The following CORIN variants were observed in gnomAD, a reference collection of about 807,000 sequenced individuals.
CORIN encodes atrial natriuretic peptide-converting enzyme.
CORIN carries 117 observed loss-of-function variants against 125.3 expected under a neutral mutation model. The observed-to-expected ratio is 0.93, with a 90% confidence interval of 0.80 to 1.09. CORIN has a LOEUF of 1.09. Among genes scored for constraint, CORIN ranks in the 50% least tolerant of loss-of-function variants. The pLI, the probability that CORIN is intolerant of heterozygous loss-of-function variation, is 0.00. For missense variants in CORIN, 1,253 were observed against 1,306.7 expected, an observed-to-expected ratio of 0.96 and a Z score of 0.63; for synonymous variants, 450 against 466.4, an observed-to-expected ratio of 0.96 and a Z score of 0.45.
chr4:47,802,669 C>T (rs911897226), intron 2 of CORIN, among the ~76,000 whole-genome samples: 1 of 152,204 alleles, frequency 6.6e-6, no homozygotes, highest in East Asian at 1.9e-4. Context: ...TCTGGACCCA[C>T]CTGAGGCCTG....
intron 3 of CORIN, among the ~76,000 whole-genome samples, chr4:47,770,412 C>A (rs968260433): frequency 6.6e-6 from 1 of 152,002 alleles, no homozygotes. Flanking sequence ...GGAGCATTTG[C>A]ACACTGTTGA....
At chr4:47,604,129 T>A (rs1721555411) in intron 19 of CORIN, among the ~76,000 whole-genome samples, 2 of 152,228 alleles carry the variant, frequency 1.3e-5, no homozygotes, top group African/African-American at 4.8e-5. Context: ...CGACCTCCAA[T>A]GGTCATTCCC....
At chr4:47,725,986 G>A (rs1180817093) in intron 5 of CORIN, among the ~76,000 whole-genome samples, 3 of 152,030 alleles carry the variant, frequency 2.0e-5, no homozygotes, top group African/African-American at 7.2e-5. Context: ...GTGATATTCC[G>A]ATGGCAAGTA....
At chr4:47,801,579 C>T (rs1260740829) in intron 2 of CORIN, among the ~76,000 whole-genome samples, 1 of 152,218 alleles carries the variant, frequency 6.6e-6, no homozygotes, top group African/African-American at 2.4e-5. Context: ...CCTCTCCCAT[C>T]CCCCAGCAGT....
At chr4:47,683,649 T>C in intron 7 of CORIN, 82 bp downstream of exon 7, 2 of 963,780 alleles carry the variant, frequency 2.1e-6, no homozygotes, top group Non-Finnish European at 3.2e-6. Context: ...CTAATCATAT[T>C]AACACATAAT....
In CORIN at chr4:47,812,841, T is replaced by G. The variant is rs189401788; in HGVS notation, c.64-5794A>C. ...ACTGAATAAATGAATTAATTAAATT[T>G]CCTAAATAAAAATTACTTTGTACAT... is the stretch of plus-strand genomic sequence containing the variant. On this transcript the variant is annotated intron_variant, in intron 1 of 21. Coordinates refer to ENST00000273857, the MANE Select transcript of CORIN (RefSeq NM_006587.4). Among the ~76,000 whole-genome samples the G allele has an allele frequency of 3.2e-3, 486 of 152,334 alleles. 1 individual carries two copies. The highest frequency in any genetic ancestry group is 5.2e-3 in the Non-Finnish European group (355 of 68,036).
chr4:47,750,081 G>A (rs895104655), intron 4 of CORIN, among the ~76,000 whole-genome samples: 8 of 152,156 alleles, frequency 5.3e-5, no homozygotes, highest in Non-Finnish European at 4.4e-5. Flanking sequence ...TAAATCAACA[G>A]ATGACAACAC....
At chr4:47,624,392 G>GGT (rs1722469329) in intron 17 of CORIN, among the ~76,000 whole-genome samples, 1 of 151,934 alleles carries the variant, frequency 6.6e-6, no homozygotes, top group South Asian at 2.1e-4. Context: ...TATACAAAGT[G>GGT]GTGTGTGCTC....
intron 16 of CORIN, among the ~76,000 whole-genome samples, chr4:47,630,294 C>T (rs569990673): frequency 1.3e-5 from 2 of 152,206 alleles, no homozygotes; most frequent in East Asian, 3.9e-4. Context: ...ATATGTGTGC[C>T]TGTACTTCTC....
chr4:47,792,863 G>A (rs968104620), intron 2 of CORIN, among the ~76,000 whole-genome samples: 1 of 152,188 alleles, frequency 6.6e-6, no homozygotes, highest in South Asian at 2.1e-4. Context: ...GATGAGCACA[G>A]GCCCCCTGCC....
At chr4:47,831,310 A>G (rs755787698) in intron 1 of CORIN, 1 of 152,358 alleles carries the variant, frequency 6.6e-6, no homozygotes, top group Non-Finnish European at 1.5e-5. Context: ...AAGGGAAGGC[A>G]TAATTAATGG....
In CORIN at chr4:47,594,467, T is replaced by C. The variant is rs942926719; in HGVS notation, c.*1254A>G. ...AAAGTTTTTTAGTGGGGAAAAATAC[T>C]TTTTACCACTAATTGCTTCAGAAAT... On this transcript the variant is annotated 3_prime_UTR_variant, in exon 22 of 22. Coordinates refer to ENST00000273857, the MANE Select transcript of CORIN (RefSeq NM_006587.4). 3 of 152,602 alleles carry C rather than the reference T, an allele frequency of 2.0e-5. No homozygotes were observed. The highest frequency in any genetic ancestry group is 4.4e-5 in the Non-Finnish European group (3 of 68,014). The allele number at this position is 152,602 out of a possible 1,614,324, so 9.5% of individuals were successfully genotyped here. A position where few individuals can be genotyped will look rare whatever the true frequency, so the allele number is the denominator to read the frequency against.
At chr4:47,761,248 C>T (rs1391296834) in intron 4 of CORIN, among the ~76,000 whole-genome samples, 1 of 152,214 alleles carries the variant, frequency 6.6e-6, no homozygotes, top group Non-Finnish European at 1.5e-5. Context: ...ACGCCTTCCT[C>T]ACTAAACTTA....
chr4:47,624,176 T>G (rs1182093279), intron 17 of CORIN, among the ~76,000 whole-genome samples: 1 of 152,204 alleles, frequency 6.6e-6, no homozygotes, highest in South Asian at 2.1e-4. Context: ...GTATATGGAA[T>G]ATATATACTT....
intron 4 of CORIN, among the ~76,000 whole-genome samples, chr4:47,759,879 T>G (rs1433928001): frequency 6.6e-6 from 1 of 152,254 alleles, no homozygotes; most frequent in African/African-American, 2.4e-5. Context: ...TATAGTTCTC[T>G]TGCTATTTTC....
intron 2 of CORIN, among the ~76,000 whole-genome samples, chr4:47,801,718 A>G (rs1016281063): frequency 1.2e-4 from 19 of 152,200 alleles, no homozygotes; most frequent in Non-Finnish European, 7.3e-5. Flanking sequence ...GGCCCAGGCC[A>G]AAGGGTAATT....
chr4:47,773,682 A>G (rs1320465100), intron 3 of CORIN, among the ~76,000 whole-genome samples: 1 of 152,128 alleles, frequency 6.6e-6, no homozygotes, highest in Non-Finnish European at 1.5e-5. Flanking sequence ...CTCAAAAGGA[A>G]ACATTTAAAA....
chr4:47,603,716 C>A (rs1487015927), intron 19 of CORIN, 48 bp from the exon 20 acceptor site: 5 of 1,574,296 alleles, frequency 3.2e-6, no homozygotes, highest in Non-Finnish European at 4.3e-6. Context: ...TCTAGTTTAT[C>A]ATGTGAAATT....
rs199683963 is a variant in CORIN, at chr4:47,795,759, C to CA, written c.209-8835dup. Among the ~76,000 whole-genome samples the CA allele has an allele frequency of 9.2e-3, 1,380 of 149,546 alleles. 20 individuals carry two copies. Among genetic ancestry groups the CA allele is most frequent in the African/African-American group, 0.03 (1,242 of 40,852 alleles). On this transcript the variant is annotated intron_variant, in intron 2 of 21. Transcript: ENST00000273857. The stretch of plus-strand genomic sequence containing the variant: ...AAATAAGAAACTCACAAATCAATAG[C>CA]AAAAAAAAAGGTAACCTGATTTTTT...
Sources: gnomAD v4.1 joint callset for allele counts (sites outside exome capture counted in the v4.1 genomes callset) on GRCh38, gnomAD v4.1.1 for gene constraint, MANE v1.5 for transcripts, NCBI Gene and HGNC (gene_info 2026-07-23, HGNC 2026-07-21) for gene names.